The following ANXA8 variants were observed in gnomAD, a reference collection of about 807,000 sequenced individuals.
ANXA8 encodes annexin A8.
Under a neutral mutation model 26.8 loss-of-function variants are expected in ANXA8, and 9 were observed. The ratio of observed to expected loss-of-function variants is 0.34; its 90% CI spans 0.20 to 0.59. The LOEUF (loss-of-function observed/expected upper bound fraction) is 0.59. ANXA8 is among the 20% of genes least tolerant of loss of function. ANXA8 has a pLI of 0.84. For missense variants in ANXA8, 83 were observed against 238.5 expected (o/e 0.35, Z 4.29); for synonymous variants, 39 against 94.8 (o/e 0.41, Z 3.42).
the ANXA8 span, among the ~76,000 whole-genome samples, chr10:47,510,843 A>C: frequency 1.6e-5 from 2 of 125,620 alleles, no homozygotes; most frequent in Admixed American, 8.3e-5. Flanking sequence ...AAAAAAAAAA[A>C]AAAAAGAAAG....
chr10:47,486,318 C>T (rs1351321332), upstream of ANXA8, among the ~76,000 whole-genome samples: 2 of 147,586 alleles, frequency 1.4e-5, no homozygotes, highest in African/African-American at 5.0e-5. Flanking sequence ...AGAAAAATCC[C>T]AAAAACATGC....
At chr10:47,703,606 T>C in the ANXA8 span, among the ~76,000 whole-genome samples, 1 of 150,968 alleles carries the variant, frequency 6.6e-6, no homozygotes, top group African/African-American at 2.4e-5. Flanking sequence ...AAATAGAGAA[T>C]TACCATCAGG....
upstream of ANXA8, among the ~76,000 whole-genome samples, chr10:47,485,332 T>A (rs1263497058): frequency 1.3e-5 from 2 of 151,934 alleles, no homozygotes; most frequent in Non-Finnish European, 2.9e-5. Flanking sequence ...GGAACTGCCA[T>A]CCAAAGAGGG....
chr10:47,685,415 T>C, the ANXA8 span, among the ~76,000 whole-genome samples: 1 of 151,230 alleles, frequency 6.6e-6, no homozygotes. Context: ...CTCACATTCA[T>C]CTCAGATATT....
chr10:47,706,074 C>G, the ANXA8 span: 3 of 1,015,934 alleles, frequency 3.0e-6, no homozygotes, highest in African/African-American at 5.0e-5. Flanking sequence ...GAGCGAGAGG[C>G]AGCCGCGCCC....
At chr10:47,738,636 G>A in the ANXA8 span, among the ~76,000 whole-genome samples, 3 of 151,870 alleles carry the variant, frequency 2.0e-5, no homozygotes, top group South Asian at 6.2e-4. Flanking sequence ...GAGTGCAGTG[G>A]TATGATCTCA....
the ANXA8 span, among the ~76,000 whole-genome samples, chr10:47,742,990 T>TAA: frequency 2.6e-4 from 24 of 91,504 alleles, no homozygotes; most frequent in East Asian, 8.0e-4. Flanking sequence ...CCGTCTCTAC[T>TAA]AAAAAAAAAA....
At chr10:47,560,316 G>A in the ANXA8 span, among the ~76,000 whole-genome samples, 1 of 151,874 alleles carries the variant, frequency 6.6e-6, no homozygotes, top group Non-Finnish European at 1.5e-5. Context: ...ACTTAAGAAA[G>A]CCAGGAAAAT....
chr10:47,586,160 G>A, the ANXA8 span, among the ~76,000 whole-genome samples: 1 of 142,904 alleles, frequency 7.0e-6, no homozygotes, highest in Admixed American at 6.8e-5. Context: ...TTCAGTTTTA[G>A]GAAATTACCC....
chr10:47,582,471 A>G, the ANXA8 span: 1 of 140,286 alleles, frequency 7.1e-6, no homozygotes, highest in Non-Finnish European at 1.5e-5. Context: ...AGGACTGTGG[A>G]AGAGGCCAAG....
At chr10:47,734,481 A>C in the ANXA8 span, among the ~76,000 whole-genome samples, 1 of 148,198 alleles carries the variant, frequency 6.7e-6, no homozygotes, top group Non-Finnish European at 1.5e-5. Flanking sequence ...GATTTACTGC[A>C]CTTAGTCTAG....
At chr10:47,660,988 G>A in the ANXA8 span, among the ~76,000 whole-genome samples, 1 of 151,120 alleles carries the variant, frequency 6.6e-6, no homozygotes, top group African/African-American at 2.5e-5. Context: ...CACAATATTG[G>A]CAAGCTAAAT....
chr10:47,595,079 C>T, the ANXA8 span, among the ~76,000 whole-genome samples: 1 of 148,644 alleles, frequency 6.7e-6, no homozygotes. Flanking sequence ...TCAGAAGAAA[C>T]CTTACAATCC....
At chr10:47,565,188 C>G in the ANXA8 span, 1 of 681,728 alleles carries the variant, frequency 1.5e-6, no homozygotes, top group Non-Finnish European at 2.7e-6. Flanking sequence ...CAGGGCGACG[C>G]GGGCACCCCC....
chr10:47,968,095 C>T, the ANXA8 span, among the ~76,000 whole-genome samples: 1 of 151,296 alleles, frequency 6.6e-6, no homozygotes, highest in Admixed American at 6.6e-5. Flanking sequence ...TGCCCATACA[C>T]ATGAGTATTT....
chr10:47,764,097 C>T, the ANXA8 span, among the ~76,000 whole-genome samples: 2 of 151,604 alleles, frequency 1.3e-5, no homozygotes, highest in South Asian at 4.2e-4. Context: ...CATGAGAAGG[C>T]GGAGACCCAG....
At chr10:47,591,152 A>G in the ANXA8 span, among the ~76,000 whole-genome samples, 1 of 145,598 alleles carries the variant, frequency 6.9e-6, no homozygotes, top group Non-Finnish European at 1.5e-5. Context: ...GCAGTTGTGA[A>G]GGATTTAGGC....
chr10:47,972,815 G>A, the ANXA8 span, among the ~76,000 whole-genome samples: 1 of 118,436 alleles, frequency 8.4e-6, no homozygotes, highest in Non-Finnish European at 1.9e-5. Flanking sequence ...CTGGCACACG[G>A]GAAGCTGTCC....
chr10:47,673,547 G>A, the ANXA8 span, among the ~76,000 whole-genome samples: 2 of 149,946 alleles, frequency 1.3e-5, no homozygotes, highest in South Asian at 2.1e-4. Flanking sequence ...AGGGCTGCAC[G>A]AGGGCACCTG....
Sources: allele counts gnomAD v4.1 joint callset (sites outside exome capture counted in the v4.1 genomes callset), GRCh38; gene constraint gnomAD v4.1.1; transcripts MANE v1.5; gene names NCBI Gene and HGNC (gene_info 2026-07-23, HGNC 2026-07-21).